Variants in UNC13A observed in about 807,000 individuals in gnomAD.
UNC13A encodes unc-13 homolog A, also known as protein unc-13 homolog A.
Under a neutral mutation model 219.7 loss-of-function variants are expected in UNC13A, and 61 were observed. That is an observed-to-expected ratio of 0.28 (90% CI 0.23 to 0.34). The LOEUF (loss-of-function observed/expected upper bound fraction) is 0.34, where lower values mean the gene tolerates loss of function less well. Among genes scored for constraint, UNC13A ranks in the 10% least tolerant of loss-of-function variants. The pLI is 1.00. For synonymous variants in UNC13A, 920 were observed against 884.6 expected (o/e 1.04, Z -0.71); for missense variants, 1,476 against 2,270.3 (o/e 0.65, Z 7.11).
At position 17,625,526 on chromosome 19, in the gene UNC13A, T is replaced by TATCC. The variant is rs773506974; in HGVS notation, c.4074-578_4074-575dup. ...GTCCTTAATTCTCTATTTCTTTTTC[T>TATCC]ATCCATCCATCCATCCATCTGTTCA... On this transcript the variant is annotated intron_variant, in intron 34 of 43. Transcript: ENST00000519716. Among the ~76,000 whole-genome samples, 19 of 152,146 alleles carry TATCC rather than the reference T, an allele frequency of 1.2e-4. 1 individual carries two copies. The highest frequency in any genetic ancestry group is 2.2e-4 in the African/African-American group (9 of 41,496).
intron 1 of UNC13A, among the ~76,000 whole-genome samples, chr19:17,680,816 G>A (rs936085403): frequency 6.7e-6 from 1 of 149,382 alleles, no homozygotes; most frequent in East Asian, 1.9e-4. Context: ...TGGATTCTAG[G>A]ATTTGAATAC....
At chr19:17,679,678 T>C (rs2079969671) in intron 1 of UNC13A, among the ~76,000 whole-genome samples, 1 of 151,842 alleles carries the variant, frequency 6.6e-6, no homozygotes, top group African/African-American at 2.4e-5. Context: ...AGCTCCTTGA[T>C]CTGTTCTCTC....
At chr19:17,608,388 A>G (rs2076560808) in intron 43 of UNC13A, among the ~76,000 whole-genome samples, 1 of 135,836 alleles carries the variant, frequency 7.4e-6, no homozygotes, top group African/African-American at 2.8e-5. Flanking sequence ...ATATAAATAT[A>G]TATATATTTA....
rs540337054 is a variant in UNC13A, at chr19:17,653,535, G to T, written c.1393-858C>A. 1.0e-3 allele frequency among the ~76,000 whole-genome samples: 153 copies of T among 152,038 alleles called. 1 individual carries two copies. Among genetic ancestry groups the T allele is most frequent in the Non-Finnish European group, 1.8e-3 (123 of 67,990 alleles). ...ATTAATTTTTTGTATTTTTAGTAGAGGTGGGGTTTCACTATGTTGGCCAGG... is the reference window on the plus strand; with the variant it reads ...ATTAATTTTTTGTATTTTTAGTAGATGTGGGGTTTCACTATGTTGGCCAGG... On this transcript the variant is annotated intron_variant, in intron 11 of 43. Coordinates refer to ENST00000519716, the MANE Select transcript of UNC13A (RefSeq NM_001080421.3).
chr19:17,642,932 C>A lies in UNC13A; in HGVS notation c.2385G>T (p.Ser795=). The A allele has an allele frequency of 2.5e-6, 4 of 1,608,922 alleles. No homozygotes were observed. The highest frequency in any genetic ancestry group is 3.4e-6 in the Non-Finnish European group (4 of 1,177,722). ...LDKRTDKSAV[S]GAIRLHISVE... is the part of the protein sequence containing the mutation. ...CACTGATGTGGAGCCGGATGGCACC[C>A]GACACGGCAGATTTGTCAGTTCGCT... The change falls in exon 20 of 44, where the codon TCG becomes TCT. Residue 795 remains serine, a synonymous_variant. Transcript: ENST00000519716.
Position 17,605,895 on chromosome 19 carries a change from C to T in UNC13A, c.*159G>A. On this transcript the variant is annotated 3_prime_UTR_variant, in exon 44 of 44. Coordinates refer to ENST00000519716, the MANE Select transcript of UNC13A (RefSeq NM_001080421.3). ...GGGGCATCCTCCATTCCTAATTCCC[C>T]AAAAGGGAAAGCTGAGTCAAGGGCG... 1 of 704,734 alleles carries T rather than the reference C, an allele frequency of 1.4e-6. No individual in the cohort carries two copies. 43.7% of individuals were successfully genotyped at this position (704,734 alleles called of 1,614,324 possible).
intron 16 of UNC13A, among the ~76,000 whole-genome samples, chr19:17,647,891 T>C: frequency 9.0e-6 from 1 of 111,024 alleles, no homozygotes; most frequent in Non-Finnish European, 1.8e-5. Context: ...TGAGCCCCAC[T>C]CCTCTGAATC....
Position 17,654,604 on chromosome 19 carries a change from G to A in UNC13A, c.1392+670C>T, listed in dbSNP as rs79216023. Among the ~76,000 whole-genome samples, 81 of 152,214 alleles carry A rather than the reference G, an allele frequency of 5.3e-4. No homozygotes were observed. The East Asian group carries it at 0.015, about 29-fold the overall frequency. On this transcript the variant is annotated intron_variant, in intron 11 of 43. Transcript: ENST00000519716. ...AGCTGAATGAAGGAATAAACGAATG[G>A]CCTCAACCCTGCTGCCCATCTAAAC...
Position 17,688,220 on chromosome 19 carries a change from G to A in UNC13A, c.-21C>T, listed in dbSNP as rs2080152565. ...GACATGTCTCCGAGCTCGCAGGTGG[G>A]CCGGAGGCGGCCGGGCCGGCTCTGT... On this transcript the variant is annotated 5_prime_UTR_variant, in exon 1 of 44. Transcript: ENST00000519716. The A allele has an allele frequency of 6.7e-7, 1 of 1,492,586 alleles. No individual in the cohort carries two copies. The highest frequency in any genetic ancestry group is 8.9e-7 in the Non-Finnish European group (1 of 1,121,798). 92.5% of individuals were successfully genotyped at this position (1,492,586 alleles called of 1,614,324 possible).
chr19:17,685,716 T>C (rs753114702), intron 1 of UNC13A, among the ~76,000 whole-genome samples: 12 of 152,170 alleles, frequency 7.9e-5, no homozygotes, highest in Non-Finnish European at 1.3e-4. Context: ...CCCAGGCACA[T>C]GGTCTGCGTA....
intron 26 of UNC13A, among the ~76,000 whole-genome samples, chr19:17,634,199 A>G (rs1048118580): frequency 6.6e-6 from 1 of 150,986 alleles, no homozygotes; most frequent in African/African-American, 2.4e-5. Flanking sequence ...CACTCATACA[A>G]CTATCCACCC....
At chr19:17,645,874 G>A (rs746862465) in intron 18 of UNC13A, 31 bp from the exon 19 acceptor site, 9 of 1,589,886 alleles carry the variant, frequency 5.7e-6, no homozygotes, top group Middle Eastern at 1.7e-4. Flanking sequence ...AGAGGCAGGG[G>A]TCAGGCAGCC....
At position 17,656,100 on chromosome 19, in the gene UNC13A, C is replaced by T. The variant is rs746305603; in HGVS notation, c.1066G>A (p.Gly356Ser). The T allele has an allele frequency of 6.4e-7, 1 of 1,552,738 alleles. No individual in the cohort carries two copies. Among genetic ancestry groups the T allele is most frequent in the African/African-American group, 1.4e-5 (1 of 73,118 alleles). Reference sequence around the variant, plus strand: ...ACGTCTTCACGCTGGGCATAGCTGCCCAAATCGTCAGGCACCTCCTCCTCC... The same window carrying T: ...ACGTCTTCACGCTGGGCATAGCTGCTCAAATCGTCAGGCACCTCCTCCTCC... ...EEEEEVPDDL[G>S]SYAQREDVAV... The change falls in exon 10 of 44, where the codon GGC becomes AGC. Residue 356 changes from glycine (G) to serine (S), a missense_variant. By Grantham distance (56) the Gly-to-Ser change is moderately conservative (BLOSUM62 0). Around this residue, in one of 14 missense-constraint regions of UNC13A, gnomAD observed 351 missense variants for 342.6 expected, o/e 1.02. Coordinates refer to ENST00000519716, the MANE Select transcript of UNC13A (RefSeq NM_001080421.3).
rs2080153450 is a variant in UNC13A, at chr19:17,688,252, G to A, written c.-53C>T. The A allele has an allele frequency of 7.0e-7, 1 of 1,422,418 alleles. No homozygotes were observed. The highest frequency in any genetic ancestry group is 9.2e-7 in the Non-Finnish European group (1 of 1,088,418). The allele number at this position is 1,422,418 out of a possible 1,614,324, so 88.1% of individuals were successfully genotyped here. On this transcript the variant is annotated 5_prime_UTR_variant, in exon 1 of 44. Coordinates refer to ENST00000519716, the MANE Select transcript of UNC13A (RefSeq NM_001080421.3). ...GCGGCCGGGCCGGCTCTGTCGGGTC[G>A]GGCTCAGCGGCCGCTGGGCTGGGGC...
At chr19:17,652,089 T>C (rs995123130) in intron 12 of UNC13A, among the ~76,000 whole-genome samples, 11 of 151,492 alleles carry the variant, frequency 7.3e-5, no homozygotes, top group Admixed American at 5.9e-4. Context: ...TAGTGTCTAG[T>C]TCCTCATAGT....
intron 34 of UNC13A, chr19:17,626,409 C>A: frequency 2.0e-6 from 1 of 503,756 alleles, no homozygotes; most frequent in Non-Finnish European, 3.5e-6. Context: ...GTCACCTATT[C>A]ATCCACCATT....
rs2076873030 is a variant in UNC13A at position 17,632,951 on chromosome 19, C to T, written c.3302-43G>A. 4 of 1,613,004 alleles carry T rather than the reference C, an allele frequency of 2.5e-6. No individual in the cohort carries two copies. In the South Asian group the frequency reaches 3.3e-5, roughly 13 times the overall value. On this transcript the variant is annotated intron_variant, in intron 27 of 43. Transcript: ENST00000519716. ...GGATGGCACAGCTGGAAGGGTCTGC[C>T]ACCCTCTGTCTCGGCAGAGAGGCTG...
chr19:17,625,776 C>T (rs955654327), intron 34 of UNC13A, among the ~76,000 whole-genome samples: 7 of 151,104 alleles, frequency 4.6e-5, no homozygotes, highest in Non-Finnish European at 1.0e-4. Flanking sequence ...ATTTATCCAT[C>T]CAAATATTTA....
At chr19:17,646,185 G>T (rs28510435) in intron 17 of UNC13A, 74 bp from the exon 18 acceptor site, 20 of 1,577,198 alleles carry the variant, frequency 1.3e-5, no homozygotes, top group Non-Finnish European at 1.5e-5. Context: ...ACTGCCACAC[G>T]CTGCAGGCTG....
Sources: allele counts gnomAD v4.1 joint callset (sites outside exome capture counted in the v4.1 genomes callset), GRCh38; gene constraint gnomAD v4.1.1; regional missense constraint gnomAD v4.1.1; transcripts MANE v1.5; gene names NCBI Gene and HGNC (gene_info 2026-07-23, HGNC 2026-07-21).